ENTR1: variants seen among roughly 807,000 people sequenced by gnomAD.
ENTR1 encodes the protein endosome-associated-trafficking regulator 1.
Under a neutral mutation model 47.9 loss-of-function variants are expected in ENTR1, and 47 were observed. That is an observed-to-expected ratio of 0.98 (90% CI 0.78 to 1.25). The LOEUF (loss-of-function observed/expected upper bound fraction) is 1.25. Ranked by LOEUF, ENTR1 falls within the 50% of genes most tolerant of loss-of-function variation. The probability of loss-of-function intolerance (pLI) is 0.00; values close to 1 mark genes in which losing one functional copy is unlikely to be tolerated. For missense variants in ENTR1, 668 were observed against 570.5 expected, an observed-to-expected ratio of 1.17 and a Z score of -1.74; for synonymous variants, 290 against 245.8, an observed-to-expected ratio of 1.18 and a Z score of -1.68.
chr9:136,410,506 C>T lies in ENTR1; in HGVS notation c.-109G>A. ...GTCGCCCGCCCCCGTCGCCCGCCCC[C>T]GTCGCCCGCCGCTCGGCCGCCCCCG... On this transcript the variant is annotated 5_prime_UTR_variant, in exon 1 of 10. Coordinates refer to ENST00000357365, the MANE Select transcript of ENTR1 (RefSeq NM_001039707.2). The T allele has an allele frequency of 4.1e-6, 4 of 965,764 alleles. No individual in the cohort carries two copies. The highest frequency in any genetic ancestry group is 5.1e-6 in the Non-Finnish European group (4 of 788,388). The allele number at this position is 965,764 out of a possible 1,614,324, so 59.8% of individuals were successfully genotyped here.
rs779774015 is a variant in ENTR1, at chr9:136,402,770, G to A, written c.*18C>T. 2 of 1,576,824 alleles carry A rather than the reference G, an allele frequency of 1.3e-6. No homozygotes were observed. Among genetic ancestry groups the A allele is most frequent in the African/African-American group, 2.7e-5 (2 of 74,128 alleles). ...CAGGGTATACACGGAGCTTCATGCT[G>A]AGAACACCCAGGGGTCCTCAAGAGT... On this transcript the variant is annotated 3_prime_UTR_variant, in exon 10 of 10. Transcript: ENST00000357365.
intron 8 of ENTR1, among the ~76,000 whole-genome samples, 197 bp downstream of exon 8, chr9:136,404,434 C>T (rs1287779543): frequency 6.6e-6 from 1 of 152,184 alleles, no homozygotes; most frequent in Non-Finnish European, 1.5e-5. Flanking sequence ...CGTGCCAGAC[C>T]CCAAACTCCC....
At chr9:136,407,006 G>A (rs1588790001) in intron 5 of ENTR1, 139 bp downstream of exon 5, 1 of 796,282 alleles carries the variant, frequency 1.3e-6, no homozygotes, top group Non-Finnish European at 2.0e-6. Context: ...AAGGGAAAGT[G>A]GATAGCAGGC....
chr9:136,408,848 G>C (rs1468529608), intron 3 of ENTR1, 151 bp downstream of exon 3: 6 of 680,300 alleles, frequency 8.8e-6, no homozygotes, highest in African/African-American at 1.8e-5. Flanking sequence ...GCTACTCTAG[G>C]ATCAAGACTG....
chr9:136,404,836 C>T, intron 7 of ENTR1, 143 bp from the exon 8 acceptor site: 1 of 801,726 alleles, frequency 1.2e-6, no homozygotes, highest in Non-Finnish European at 2.0e-6. Context: ...CCAGTCCCGC[C>T]TCCACTCTCA....
chr9:136,408,668 A>G lies in ENTR1; in HGVS notation c.289+331T>C, dbSNP rs754557769. Among the ~76,000 whole-genome samples, 24 of 152,218 alleles carry G rather than the reference A, an allele frequency of 1.6e-4. No homozygotes were observed. In the South Asian group the frequency reaches 2.1e-3, roughly 13 times the overall value. Reference sequence around the variant, plus strand: ...CTCTTCCCGACTTTCCTACCTAGGTAGCCTAAATAACGCCCACTTTTCCCT... The same window carrying G: ...CTCTTCCCGACTTTCCTACCTAGGTGGCCTAAATAACGCCCACTTTTCCCT... On this transcript the variant is annotated intron_variant, in intron 3 of 9. Transcript: ENST00000357365.
At chr9:136,408,915 C>T in intron 3 of ENTR1, 84 bp downstream of exon 3, 1 of 1,103,586 alleles carries the variant, frequency 9.1e-7, no homozygotes, top group South Asian at 1.2e-5. Flanking sequence ...ACCACATAGC[C>T]AGTCACATTG....
chr9:136,405,303 G>T, intron 6 of ENTR1, 101 bp from the exon 7 acceptor site: 1 of 898,268 alleles, frequency 1.1e-6, no homozygotes, highest in Non-Finnish European at 1.8e-6. Context: ...AAGAGCCTGT[G>T]ATGGAATGGG....
intron 2 of ENTR1, among the ~76,000 whole-genome samples, chr9:136,409,491 A>C (rs1199982643): frequency 6.6e-6 from 1 of 151,996 alleles, no homozygotes; most frequent in Non-Finnish European, 1.5e-5. Context: ...AGCCGAGAAA[A>C]CTTTAAAAAA....
chr9:136,410,033 G>A, intron 2 of ENTR1, 57 bp downstream of exon 2: 1 of 1,596,344 alleles, frequency 6.3e-7, no homozygotes, highest in Non-Finnish European at 8.6e-7. Context: ...CAGCGGAGGT[G>A]CCACACGTGG....
chr9:136,405,258 C>A, intron 6 of ENTR1, 56 bp from the exon 7 acceptor site: 1 of 1,353,102 alleles, frequency 7.4e-7, no homozygotes, highest in Non-Finnish European at 1.1e-6. Context: ...AAGAGGACTA[C>A]AAAAAGATAC....
chr9:136,410,439 C>G lies in ENTR1; in HGVS notation c.-42G>C. 2 of 1,175,846 alleles carry G rather than the reference C, an allele frequency of 1.7e-6. No homozygotes were observed. The highest frequency in any genetic ancestry group is 6.8e-5 in the South Asian group (2 of 29,400). 72.8% of individuals were successfully genotyped at this position (1,175,846 alleles called of 1,614,324 possible). On this transcript the variant is annotated 5_prime_UTR_variant, in exon 1 of 10. Coordinates refer to ENST00000357365, the MANE Select transcript of ENTR1 (RefSeq NM_001039707.2). ...GGGCACGACCTGCCTAGCCCGGCAG[C>G]GGCGGCTCCATGGCCCCGGCTCCGC...
In ENTR1 at chr9:136,404,107, C is replaced by T. The variant is rs190302340; in HGVS notation, c.1156G>A (p.Val386Met). Residue 386 changes from valine (V) to methionine (M), a missense_variant, in exon 9 of 10, where the codon GTG (valine) becomes ATG (methionine). Val to Met is a conservative substitution (Grantham distance 21, BLOSUM62 1). Coordinates refer to ENST00000357365, the MANE Select transcript of ENTR1 (RefSeq NM_001039707.2). ...SLTVVKQNAD[V>M]ALQNLRVVMN... is the part of the protein sequence containing the mutation. ...ACCACCCGGAGGTTCTGCAGGGCCA[C>T]GTCGGCGTTCTGCTTCACCACGGTC... is the stretch of plus-strand genomic sequence containing the variant. 52 of 1,613,462 alleles carry T rather than the reference C, an allele frequency of 3.2e-5. No individual in the cohort carries two copies. The highest frequency in any genetic ancestry group is 1.3e-4 in the East Asian group (6 of 44,882).
At chr9:136,407,965 T>A in intron 3 of ENTR1, 27 bp from the exon 4 acceptor site, 1 of 1,429,942 alleles carries the variant, frequency 7.0e-7, no homozygotes, top group Non-Finnish European at 9.9e-7. Context: ...CACAAATGCA[T>A]AAAGTCTACT....
At position 136,402,614 on chromosome 9, in the gene ENTR1, C is replaced by T; in HGVS notation, c.*174G>A. ...AACCACAGAGACAACTCGGCCAGGG[C>T]TGCTCCCATTGTGGTGGCCAAGAAC... On this transcript the variant is annotated 3_prime_UTR_variant, in exon 10 of 10. Transcript: ENST00000357365. The T allele has an allele frequency of 9.5e-6, 5 of 524,882 alleles. No homozygotes were observed. The highest frequency in any genetic ancestry group is 1.7e-5 in the Non-Finnish European group (5 of 295,772). The allele number at this position is 524,882 out of a possible 1,614,324, so 32.5% of individuals were successfully genotyped here.
At chr9:136,408,891 TG>T in intron 3 of ENTR1, 107 bp downstream of exon 3, 1 of 822,686 alleles carries the variant, frequency 1.2e-6, no homozygotes, top group Non-Finnish European at 2.1e-6. Context: ...CCTGCTCTTT[TG>T]GGCTCCAGCT....
chr9:136,410,099 CCACGGAAGCCAG>C lies in ENTR1; in HGVS notation c.199_210del (p.Leu67_Val70del), dbSNP rs1588800553. 6.8e-6 allele frequency: 11 copies of C among 1,612,828 alleles called. No homozygotes were observed. The highest frequency in any genetic ancestry group is 9.3e-6 in the Non-Finnish European group (11 of 1,179,956). ...CGCCCTCGTCTCTCACCTGTGTCTC[CCACGGAAGCCAG>C]CACCGGGCTGGGCACATAGCACATA... On this transcript the variant is annotated inframe_deletion, in exon 2 of 10. Coordinates refer to ENST00000357365, the MANE Select transcript of ENTR1 (RefSeq NM_001039707.2).
At position 136,402,314 on chromosome 9, in the gene ENTR1, C is replaced by T. The variant is rs1290930935; in HGVS notation, c.*474G>A. ...CCACCCACTGGGGCCACAAGAGTGA[C>T]CCGGGAGCCAGAGGGAGCCCTGAGC... is the stretch of plus-strand genomic sequence containing the variant. On this transcript the variant is annotated 3_prime_UTR_variant, in exon 10 of 10. Transcript: ENST00000357365. 4 of 156,914 alleles carry T rather than the reference C, an allele frequency of 2.5e-5. No homozygotes were observed. Among genetic ancestry groups the T allele is most frequent in the Non-Finnish European group, 5.6e-5 (4 of 71,190 alleles). 9.7% of individuals were successfully genotyped at this position (156,914 alleles called of 1,614,324 possible).
At chr9:136,408,561 G>A (rs1420440179) in intron 3 of ENTR1, among the ~76,000 whole-genome samples, 2 of 152,132 alleles carry the variant, frequency 1.3e-5, no homozygotes, top group African/African-American at 2.4e-5. Flanking sequence ...CTGGGCGACA[G>A]AGCGAGACTC....
Sources: allele counts gnomAD v4.1 joint callset (sites outside exome capture counted in the v4.1 genomes callset), GRCh38; gene constraint gnomAD v4.1.1; transcripts MANE v1.5; gene names NCBI Gene and HGNC (gene_info 2026-07-23, HGNC 2026-07-21).